HELZ: variants seen among roughly 807,000 people sequenced by gnomAD.
HELZ encodes ATP-dependent RNA helicase with zinc finger domain.
HELZ carries 23 observed loss-of-function variants against 218.2 expected under a neutral mutation model. That is an observed-to-expected ratio of 0.11 (90% CI 0.08 to 0.15). The LOEUF (loss-of-function observed/expected upper bound fraction) is 0.15, where lower values mean the gene tolerates loss of function less well. Among genes scored for constraint, HELZ ranks in the 10% least tolerant of loss-of-function variants. The probability of loss-of-function intolerance (pLI) is 1.00; values close to 1 mark genes in which losing one functional copy is unlikely to be tolerated. For synonymous variants in HELZ, 814 were observed against 829.4 expected (o/e 0.98, Z 0.32); for missense variants, 1,813 against 2,353.7 (o/e 0.77, Z 4.75).
chr17:67,153,022 C>G (rs1469483714), intron 17 of HELZ, among the ~76,000 whole-genome samples: 1 of 151,942 alleles, frequency 6.6e-6, no homozygotes, highest in Non-Finnish European at 1.5e-5. Context: ...TATGATGAAC[C>G]TCAATATGAT....
At chr17:67,241,300 C>T (rs559975447) in intron 2 of HELZ, among the ~76,000 whole-genome samples, 4 of 152,254 alleles carry the variant, frequency 2.6e-5, no homozygotes, top group South Asian at 2.1e-4. Flanking sequence ...ACACCTGGCC[C>T]GAAATCTTCT....
intron 12 of HELZ, among the ~76,000 whole-genome samples, chr17:67,185,651 G>T (rs1598389646): frequency 6.6e-6 from 1 of 152,248 alleles, no homozygotes; most frequent in East Asian, 1.9e-4. Flanking sequence ...AATGCATTTT[G>T]TAGATTTCAT....
In HELZ at chr17:67,073,119, T is replaced by G. The variant is rs1029049565; in HGVS notation, c.*5133A>C. 1.3e-5 allele frequency: 2 copies of G among 152,240 alleles called. No individual in the cohort carries two copies. The highest frequency in any genetic ancestry group is 2.9e-5 in the Non-Finnish European group (2 of 68,034). The allele number at this position is 152,240 out of a possible 1,614,324, so 9.4% of individuals were successfully genotyped here. Reference sequence around the variant, plus strand: ...GTACTATGTGACTTCTACTCTGTGTTGCAACCTATGTAATTTGCCACCCTT... The same window carrying G: ...GTACTATGTGACTTCTACTCTGTGTGGCAACCTATGTAATTTGCCACCCTT... On this transcript the variant is annotated 3_prime_UTR_variant, in exon 33 of 33. Transcript: ENST00000358691.
Position 67,165,091 on chromosome 17 carries a change from A to T in HELZ, c.1895+1387T>A, listed in dbSNP as rs116273496. On this transcript the variant is annotated intron_variant, in intron 15 of 32. Transcript: ENST00000358691. ...CTGGGAGATGTCACTGGATTTTTAC[A>T]ATCAGTAGATCACCAATCACTTTCA... Among the ~76,000 whole-genome samples, 283 of 152,356 alleles carry T rather than the reference A, an allele frequency of 1.9e-3. 2 individuals are homozygous for T. Among genetic ancestry groups the T allele is most frequent in the African/African-American group, 6.6e-3 (275 of 41,586 alleles).
chr17:67,150,038 A>G lies in HELZ; in HGVS notation c.2357-53T>C, dbSNP rs1478928057. 5 of 1,017,776 alleles carry G rather than the reference A, an allele frequency of 4.9e-6. No homozygotes were observed. The South Asian group carries it at 7.2e-5, about 15-fold the overall frequency. 63.0% of individuals were successfully genotyped at this position (1,017,776 alleles called of 1,614,324 possible). On this transcript the variant is annotated intron_variant, in intron 18 of 32. Coordinates refer to ENST00000358691, the MANE Select transcript of HELZ (RefSeq NM_014877.4). Reference sequence around the variant, plus strand: ...AGCACGCTAGAGCAGCAACAAAGGCAGAAGGACTATAGTTATTTTCTTTTC... The same window carrying G: ...AGCACGCTAGAGCAGCAACAAAGGCGGAAGGACTATAGTTATTTTCTTTTC...
chr17:67,102,612 A>G (rs1474076241), intron 31 of HELZ, among the ~76,000 whole-genome samples: 1 of 152,210 alleles, frequency 6.6e-6, no homozygotes, highest in Non-Finnish European at 1.5e-5. Context: ...AATTATTTTA[A>G]AAGGTTGGAA....
intron 32 of HELZ, among the ~76,000 whole-genome samples, chr17:67,081,823 TACAG>T (rs998242802): frequency 6.6e-6 from 1 of 152,094 alleles, no homozygotes; most frequent in African/African-American, 2.4e-5. Context: ...GGGGTGCAGG[TACAG>T]ACAGAGAGGG....
chr17:67,166,390 C>A, intron 15 of HELZ, 88 bp downstream of exon 15: 1 of 1,167,604 alleles, frequency 8.6e-7, no homozygotes, highest in Non-Finnish European at 1.2e-6. Context: ...GGCAAACTTT[C>A]TTATAAAAGT....
At chr17:67,145,143 C>T (rs2038455044) in intron 21 of HELZ, among the ~76,000 whole-genome samples, 1 of 152,188 alleles carries the variant, frequency 6.6e-6, no homozygotes, top group Non-Finnish European at 1.5e-5. Context: ...GTCCAGAACT[C>T]AACTCCCTCC....
At chr17:67,155,384 T>C (rs1465485022) in intron 17 of HELZ, among the ~76,000 whole-genome samples, 1 of 152,066 alleles carries the variant, frequency 6.6e-6, no homozygotes, top group East Asian at 1.9e-4. Context: ...AATGAAGACT[T>C]GTTGTGGCAG....
intron 11 of HELZ, 129 bp downstream of exon 11, chr17:67,189,460 T>A (rs896413543): frequency 1.0e-4 from 60 of 602,614 alleles, no homozygotes; most frequent in Non-Finnish European, 2.4e-5. Flanking sequence ...TAGTACAATA[T>A]AGAACCTATA....
intron 31 of HELZ, among the ~76,000 whole-genome samples, chr17:67,089,668 T>TATATATATATATAGAG (rs71293575): frequency 8.5e-5 from 6 of 70,638 alleles, no homozygotes; most frequent in African/African-American, 1.8e-4. Flanking sequence ...TATATATATA[T>TATATATATATATAGAG]AGAGAGAGAG....
chr17:67,109,274 G>A lies in HELZ; in HGVS notation c.4331C>T (p.Pro1444Leu). Reference sequence around the variant, plus strand: ...CTGCTCCGGAATTACAGCTTCTGCAGGAGGAGACTGTGGCCGATGAGCAAC... The same window carrying A: ...CTGCTCCGGAATTACAGCTTCTGCAAGAGGAGACTGTGGCCGATGAGCAAC... ...SAVAHRPQSP[P>L]AEAVIPEQQP... is the part of the protein sequence containing the mutation. Residue 1444 changes from proline to leucine, a missense_variant, in exon 29 of 33, where the codon CCT (proline) becomes CTT (leucine). Pro to Leu is a moderately conservative substitution (Grantham distance 98). Coordinates refer to ENST00000358691, the MANE Select transcript of HELZ (RefSeq NM_014877.4). The A allele has an allele frequency of 6.2e-7, 1 of 1,614,156 alleles. No individual in the cohort carries two copies. Among genetic ancestry groups the A allele is most frequent in the Non-Finnish European group, 8.5e-7 (1 of 1,180,040 alleles).
chr17:67,243,176 C>A (rs2041372320), intron 2 of HELZ, among the ~76,000 whole-genome samples: 1 of 152,204 alleles, frequency 6.6e-6, no homozygotes, highest in African/African-American at 2.4e-5. Context: ...TAAATTCACA[C>A]ACCGTGTGTG....
At chr17:67,219,894 A>G (rs1004380267) in intron 3 of HELZ, among the ~76,000 whole-genome samples, 2 of 152,224 alleles carry the variant, frequency 1.3e-5, no homozygotes, top group African/African-American at 2.4e-5. Flanking sequence ...CTCCCTAGCT[A>G]TAACACTCAT....
At chr17:67,185,826 T>C (rs916590113) in intron 12 of HELZ, among the ~76,000 whole-genome samples, 2 of 152,226 alleles carry the variant, frequency 1.3e-5, no homozygotes, top group Non-Finnish European at 2.9e-5. Flanking sequence ...GACATCAAAC[T>C]ACAAAGAAGT....
At chr17:67,224,178 A>G (rs11657175) in intron 3 of HELZ, 6,354 of 154,626 alleles carry the variant, frequency 0.041, 190 homozygotes, top group East Asian at 0.11. Context: ...ATGACCCTGT[A>G]AGAGCCAATG....
chr17:67,206,835 G>A (rs887701630), intron 5 of HELZ, among the ~76,000 whole-genome samples: 1 of 151,788 alleles, frequency 6.6e-6, no homozygotes, highest in Non-Finnish European at 1.5e-5. Context: ...CCGACCTCAG[G>A]TGATCCACCC....
chr17:67,087,324 A>G (rs1199463192), intron 31 of HELZ, among the ~76,000 whole-genome samples: 1 of 152,192 alleles, frequency 6.6e-6, no homozygotes, highest in Non-Finnish European at 1.5e-5. Flanking sequence ...TCCTCACTGC[A>G]TAGTCCTGAC....
Sources: gnomAD v4.1 joint callset for allele counts (sites outside exome capture counted in the v4.1 genomes callset) on GRCh38, gnomAD v4.1.1 for gene constraint, MANE v1.5 for transcripts, NCBI Gene and HGNC (gene_info 2026-07-23, HGNC 2026-07-21) for gene names.